Variants in ADCK1 observed in about 807,000 individuals in gnomAD.
ADCK1 encodes the protein aarF domain containing kinase 1.
ADCK1 carries 41 observed loss-of-function variants against 52.3 expected under a neutral mutation model. That is an observed-to-expected ratio of 0.78 (90% CI 0.61 to 1.02). The LOEUF is 1.02. ADCK1 is among the 50% of genes least tolerant of loss of function. The pLI is 0.00. For missense variants in ADCK1, 658 were observed against 679.5 expected, an observed-to-expected ratio of 0.97 and a Z score of 0.35; for synonymous variants, 250 against 274.6, an observed-to-expected ratio of 0.91 and a Z score of 0.89.
intron 1 of ADCK1, among the ~76,000 whole-genome samples, chr14:77,807,042 T>C (rs111798137): frequency 1.4e-4 from 20 of 143,206 alleles, no homozygotes; most frequent in Admixed American, 4.4e-4. Flanking sequence ...CTCTCTCTTT[T>C]TTTTTTTTTT....
chr14:77,890,637 C>T (rs945055614), intron 5 of ADCK1, among the ~76,000 whole-genome samples: 1 of 152,098 alleles, frequency 6.6e-6, no homozygotes, highest in African/African-American at 2.4e-5. Flanking sequence ...AATTCCTCAA[C>T]GTTGTCATAT....
intron 7 of ADCK1, among the ~76,000 whole-genome samples, chr14:77,914,759 T>A: frequency 6.6e-6 from 1 of 152,212 alleles, no homozygotes; most frequent in East Asian, 1.9e-4. Flanking sequence ...TGTGAAGTTT[T>A]GTAAAAACAA....
intron 8 of ADCK1, among the ~76,000 whole-genome samples, chr14:77,925,047 A>G (rs2140295075): frequency 6.6e-6 from 1 of 152,304 alleles, no homozygotes; most frequent in Admixed American, 6.5e-5. Context: ...CTGTGTCCTC[A>G]GGATGCAGAT....
At chr14:77,882,289 A>T (rs189806525) in intron 4 of ADCK1, among the ~76,000 whole-genome samples, 37 of 152,302 alleles carry the variant, frequency 2.4e-4, no homozygotes, top group East Asian at 1.2e-3. Context: ...CAGGAGCCAG[A>T]TGTTGTTTGC....
In ADCK1 at chr14:77,883,019, GCA is replaced by G. The variant is rs142507602; in HGVS notation, c.424-4061_424-4060del. Among the ~76,000 whole-genome samples the G allele has an allele frequency of 3.0e-5, 4 of 135,212 alleles. No individual in the cohort carries two copies. In the South Asian group the frequency reaches 9.0e-4, roughly 31 times the overall value. The allele number at this position is 135,212 out of a possible 152,430, so 88.7% of individuals were successfully genotyped here. On this transcript the variant is annotated intron_variant, in intron 4 of 10. Coordinates refer to ENST00000238561, the MANE Select transcript of ADCK1 (RefSeq NM_020421.4). ...ACACTTCCCCCCTTCGCACATGTGT[GCA>G]CACACACACAGAGAAAGAAACCAAA...
chr14:77,883,314 G>T (rs1215822986), intron 4 of ADCK1, among the ~76,000 whole-genome samples: 1 of 151,546 alleles, frequency 6.6e-6, no homozygotes, highest in Non-Finnish European at 1.5e-5. Context: ...TGCTGCAAAT[G>T]CTGCAGTTTG....
intron 1 of ADCK1, among the ~76,000 whole-genome samples, chr14:77,815,730 G>T (rs1255811229): frequency 6.6e-6 from 1 of 151,530 alleles, no homozygotes; most frequent in Admixed American, 6.6e-5. Context: ...TATTGGCCAG[G>T]CTGGTCTTGA....
At chr14:77,851,000 A>G (rs2082273360) in intron 3 of ADCK1, among the ~76,000 whole-genome samples, 1 of 151,726 alleles carries the variant, frequency 6.6e-6, no homozygotes, top group Non-Finnish European at 1.5e-5. Context: ...GTGCAAAAGT[A>G]ATCAGTTTTT....
At chr14:77,842,846 G>C (rs1459979273) in intron 3 of ADCK1, among the ~76,000 whole-genome samples, 1 of 151,068 alleles carries the variant, frequency 6.6e-6, no homozygotes. Context: ...CATTGTGCCT[G>C]GTCGAGGGTA....
At chr14:77,905,714 T>C (rs1382034261) in intron 6 of ADCK1, among the ~76,000 whole-genome samples, 1 of 152,040 alleles carries the variant, frequency 6.6e-6, no homozygotes, top group Non-Finnish European at 1.5e-5. Flanking sequence ...TTTGAGAGGC[T>C]GAGGCAGGAG....
At chr14:77,835,716 T>C (rs1038663591) in intron 3 of ADCK1, among the ~76,000 whole-genome samples, 2 of 152,172 alleles carry the variant, frequency 1.3e-5, no homozygotes, top group Non-Finnish European at 2.9e-5. Context: ...CATCACTGCA[T>C]CCTCTACCTC....
At chr14:77,824,619 A>G (rs1296592861) in intron 3 of ADCK1, among the ~76,000 whole-genome samples, 2 of 151,742 alleles carry the variant, frequency 1.3e-5, no homozygotes, top group Non-Finnish European at 2.9e-5. Context: ...TTTTTAGTAG[A>G]GACTGGGTTT....
chr14:77,888,118 C>T (rs1412532241), intron 5 of ADCK1, among the ~76,000 whole-genome samples: 1 of 152,088 alleles, frequency 6.6e-6, no homozygotes, highest in Non-Finnish European at 1.5e-5. Flanking sequence ...AGCGTGTTTG[C>T]ACAGTGCCAT....
At chr14:77,813,919 C>G (rs1049031882) in intron 1 of ADCK1, among the ~76,000 whole-genome samples, 1 of 151,842 alleles carries the variant, frequency 6.6e-6, no homozygotes, top group Non-Finnish European at 1.5e-5. Flanking sequence ...AGATGCATGC[C>G]ACAACACCCG....
At chr14:77,862,530 C>T (rs2082573707) in intron 4 of ADCK1, among the ~76,000 whole-genome samples, 1 of 152,212 alleles carries the variant, frequency 6.6e-6, no homozygotes, top group African/African-American at 2.4e-5. Context: ...AGGCTGACAT[C>T]TCTACACCCT....
At chr14:77,841,855 A>AG in intron 3 of ADCK1, among the ~76,000 whole-genome samples, 1 of 146,996 alleles carries the variant, frequency 6.8e-6, no homozygotes, top group African/African-American at 2.5e-5. Context: ...CTTTAAAAAA[A>AG]AAAAAAAAAA....
chr14:77,880,655 G>C (rs997801246), intron 4 of ADCK1, among the ~76,000 whole-genome samples: 1 of 152,168 alleles, frequency 6.6e-6, no homozygotes, highest in African/African-American at 2.4e-5. Flanking sequence ...TCTCCCCTCT[G>C]ATCACCATGG....
chr14:77,896,850 T>TTAAAGTAAGTAATTAAAGTAAGTAAATG (rs1231533891), intron 5 of ADCK1, among the ~76,000 whole-genome samples: 4 of 152,232 alleles, frequency 2.6e-5, no homozygotes, highest in Non-Finnish European at 5.9e-5. Context: ...CCAAATGTAA[T>TTAAAGTAAGTAATTAAAGTAAGTAAATG]TAAAAGAAGT....
intron 6 of ADCK1, among the ~76,000 whole-genome samples, 157 bp from the exon 7 acceptor site, chr14:77,907,646 G>C (rs972939696): frequency 6.6e-6 from 1 of 152,234 alleles, no homozygotes; most frequent in Non-Finnish European, 1.5e-5. Flanking sequence ...TGGCCTGGCT[G>C]TCCCATCCCC....
Sources: gnomAD v4.1 joint callset for allele counts (sites outside exome capture counted in the v4.1 genomes callset) on GRCh38, gnomAD v4.1.1 for gene constraint, MANE v1.5 for transcripts, NCBI Gene and HGNC (gene_info 2026-07-23, HGNC 2026-07-21) for gene names.